YWHAE: variants seen among roughly 807,000 people sequenced by gnomAD.
YWHAE encodes tyrosine 3-monooxygenase/tryptophan 5-monooxygenase activation protein epsilon, also known as 14-3-3 protein epsilon.
A neutral mutation model predicts 30.1 loss-of-function variants in YWHAE; 4 were observed. The observed-to-expected ratio is 0.13, with a 90% CI of 0.07 to 0.30. The LOEUF (loss-of-function observed/expected upper bound fraction) is 0.30, where lower values mean the gene tolerates loss of function less well. YWHAE is among the 10% of genes least tolerant of loss of function. The pLI is 1.00. For missense variants in YWHAE, 121 were observed against 315.9 expected, an observed-to-expected ratio of 0.38 and a Z score of 4.68; for synonymous variants, 118 against 111.8, an observed-to-expected ratio of 1.06 and a Z score of -0.35.
At chr17:1,370,295 T>G (rs1476443045) in intron 1 of YWHAE, among the ~76,000 whole-genome samples, 1 of 146,632 alleles carries the variant, frequency 6.8e-6, no homozygotes, top group African/African-American at 2.5e-5. Flanking sequence ...CCCAGTGAAT[T>G]TTTTTGTGTG....
At chr17:1,361,671 C>T (rs1008582289) in intron 3 of YWHAE, 30 of 462,806 alleles carry the variant, frequency 6.5e-5, no homozygotes, top group African/African-American at 5.4e-4. Context: ...AAATGTATGC[C>T]GTTTGGGGGA....
In YWHAE at chr17:1,388,101, GT is replaced by G. The variant is rs1291752445; in HGVS notation, c.64+11945del. On this transcript the variant is annotated intron_variant, in intron 1 of 5. Transcript: ENST00000264335. ...CCACCACCACGCCTGGGTAATTTTT[GT>G]TTTTTTTTTTGGTTGGTTTTTTTTT... 2.4e-3 allele frequency among the ~76,000 whole-genome samples: 149 copies of G among 62,374 alleles called. 2 individuals carry two copies. Among genetic ancestry groups the G allele is most frequent in the African/African-American group, 9.7e-3 (124 of 12,768 alleles). The allele number at this position is 62,374 out of a possible 152,430, so 40.9% of individuals were successfully genotyped here.
chr17:1,396,478 GAATCCAAC>G (rs2073473565), intron 1 of YWHAE, among the ~76,000 whole-genome samples: 1 of 152,128 alleles, frequency 6.6e-6, no homozygotes, highest in East Asian at 1.9e-4. Context: ...CATTCCTAGG[GAATCCAAC>G]ATGACCATCA....
At chr17:1,375,059 G>A (rs1024506448) in intron 1 of YWHAE, among the ~76,000 whole-genome samples, 3 of 152,104 alleles carry the variant, frequency 2.0e-5, no homozygotes, top group Admixed American at 1.3e-4. Context: ...AAGTAACTGG[G>A]ACTATAGGTG....
chr17:1,370,772 A>G (rs1428444985), intron 1 of YWHAE, among the ~76,000 whole-genome samples: 1 of 151,970 alleles, frequency 6.6e-6, no homozygotes, highest in Non-Finnish European at 1.5e-5. Flanking sequence ...CGAGGTGGGC[A>G]GATCACGAGG....
chr17:1,361,036 A>C, intron 4 of YWHAE, 56 bp downstream of exon 4: 3 of 1,536,072 alleles, frequency 2.0e-6, no homozygotes, highest in South Asian at 2.2e-5. Flanking sequence ...GGAAAACCCA[A>C]ACAGCGCCCC....
rs907930383 is a variant in YWHAE at position 1,354,088 on chromosome 17, T to C, written c.715+123A>G. 38 of 1,267,808 alleles carry C rather than the reference T, an allele frequency of 3.0e-5. No homozygotes were observed. The African/African-American group carries it at 4.3e-4, about 14-fold the overall frequency. 78.5% of individuals were successfully genotyped at this position (1,267,808 alleles called of 1,614,324 possible). A position where few individuals can be genotyped will look rare whatever the true frequency, so the allele number is the denominator to read the frequency against. On this transcript the variant is annotated intron_variant, in intron 5 of 5. Coordinates refer to ENST00000264335, the MANE Select transcript of YWHAE (RefSeq NM_006761.5). Reference sequence around the variant, plus strand: ...TATAAAGGCAGCAATTACAATTTCATAGAGGGCAGGCGGTGAATCTAAATT... The same window carrying C: ...TATAAAGGCAGCAATTACAATTTCACAGAGGGCAGGCGGTGAATCTAAATT...
chr17:1,382,981 T>C (rs2073238790), intron 1 of YWHAE, among the ~76,000 whole-genome samples: 1 of 149,296 alleles, frequency 6.7e-6, no homozygotes, highest in South Asian at 2.1e-4. Context: ...GCTGACCTCA[T>C]GCCACTGCAC....
chr17:1,348,389 G>A (rs1212281872), intron 5 of YWHAE, among the ~76,000 whole-genome samples: 1 of 152,120 alleles, frequency 6.6e-6, no homozygotes, highest in Non-Finnish European at 1.5e-5. Flanking sequence ...AAAAAGCAAT[G>A]ATCCCTCCCT....
At chr17:1,347,892 C>G in intron 5 of YWHAE, 1 of 902,472 alleles carries the variant, frequency 1.1e-6, no homozygotes. Flanking sequence ...ACAGGACGAT[C>G]ATACGCAGGC....
rs113698592 is a variant in YWHAE, at chr17:1,345,099, T to C, written c.*348A>G. 2 of 337,018 alleles carry C rather than the reference T, an allele frequency of 5.9e-6. No individual in the cohort carries two copies. The highest frequency in any genetic ancestry group is 1.1e-5 in the Non-Finnish European group (2 of 183,744). The allele number at this position is 337,018 out of a possible 1,614,324, so 20.9% of individuals were successfully genotyped here. On this transcript the variant is annotated 3_prime_UTR_variant, in exon 6 of 6. Transcript: ENST00000264335. ...CTCTCTTAGATGCTTGCATCACCTA[T>C]AAGTCTAATGGCTTTCAAATGTAAT...
chr17:1,344,895 T>G lies in YWHAE; in HGVS notation c.*552A>C, dbSNP rs754221755. ...CAGCACCATGCTTTTCAGCAACATTTCAGCGGAGTTGGAAACATTTTTTAC... is the reference window on the plus strand; with the variant it reads ...CAGCACCATGCTTTTCAGCAACATTGCAGCGGAGTTGGAAACATTTTTTAC... On this transcript the variant is annotated 3_prime_UTR_variant, in exon 6 of 6. Transcript: ENST00000264335. 8 of 233,558 alleles carry G rather than the reference T, an allele frequency of 3.4e-5. No individual in the cohort carries two copies. Among genetic ancestry groups the G allele is most frequent in the Non-Finnish European group, 5.1e-5 (6 of 118,028 alleles). The allele number at this position is 233,558 out of a possible 1,614,324, so 14.5% of individuals were successfully genotyped here. A position where few individuals can be genotyped will look rare whatever the true frequency, so the allele number is the denominator to read the frequency against.
At chr17:1,352,286 T>C (rs2072647627) in intron 5 of YWHAE, 1 of 152,116 alleles carries the variant, frequency 6.6e-6, no homozygotes, top group African/African-American at 2.4e-5. Flanking sequence ...AAACATATCA[T>C]AAAGCTAGTA....
intron 1 of YWHAE, among the ~76,000 whole-genome samples, chr17:1,397,229 A>C (rs1465730852): frequency 1.3e-5 from 2 of 152,166 alleles, no homozygotes; most frequent in Non-Finnish European, 2.9e-5. Flanking sequence ...ACTATTTCAT[A>C]TACGGGACAG....
chr17:1,363,874 C>T lies in YWHAE; in HGVS notation c.264+985G>A, dbSNP rs976623375. ...CTGTCTCTTCTACTAGAATCGGTTACTCAACAGCAGCACTCCCGACAGTTT... is the reference window on the plus strand; with the variant it reads ...CTGTCTCTTCTACTAGAATCGGTTATTCAACAGCAGCACTCCCGACAGTTT... On this transcript the variant is annotated intron_variant, in intron 2 of 5. Transcript: ENST00000264335. Among the ~76,000 whole-genome samples the T allele has an allele frequency of 6.0e-5, 9 of 150,362 alleles. No individual in the cohort carries two copies. The South Asian group carries it at 1.3e-3, about 21-fold the overall frequency.
intron 5 of YWHAE, among the ~76,000 whole-genome samples, chr17:1,345,768 T>A (rs1473823039): frequency 6.6e-6 from 1 of 152,188 alleles, no homozygotes. Context: ...GCTCTTGACG[T>A]AGACAGCCAA....
intron 4 of YWHAE, among the ~76,000 whole-genome samples, chr17:1,356,651 C>G (rs769516164): frequency 1.9e-4 from 29 of 152,172 alleles, no homozygotes; most frequent in Non-Finnish European, 1.0e-4. Flanking sequence ...ACAAACTCAA[C>G]TAGCCATTTA....
chr17:1,372,205 G>C (rs6502267), intron 1 of YWHAE, among the ~76,000 whole-genome samples: 148,430 of 152,350 alleles, frequency 0.97, 72,335 homozygotes, highest in East Asian at 1. Flanking sequence ...CCTCTGCTAG[G>C]TTCCAGCTTT....
intron 1 of YWHAE, among the ~76,000 whole-genome samples, chr17:1,392,282 G>A (rs1248404581): frequency 6.6e-6 from 1 of 152,166 alleles, no homozygotes; most frequent in Non-Finnish European, 1.5e-5. Context: ...GGCTGAGATG[G>A]GATGATCATT....
Sources: gnomAD v4.1 joint callset for allele counts (sites outside exome capture counted in the v4.1 genomes callset) on GRCh38, gnomAD v4.1.1 for gene constraint, MANE v1.5 for transcripts, NCBI Gene and HGNC (gene_info 2026-07-23, HGNC 2026-07-21) for gene names.